The following SYCP2L variants were observed in gnomAD, a reference collection of about 807,000 sequenced individuals.
The protein encoded by SYCP2L is synaptonemal complex protein 2-like.
In SYCP2L, 98 loss-of-function variants were observed where a neutral mutation model predicts 125.8. The ratio of observed to expected loss-of-function variants is 0.78; its 90% CI spans 0.66 to 0.92. The LOEUF is 0.92. SYCP2L is among the 40% of genes least tolerant of loss of function. The probability of loss-of-function intolerance (pLI) is 0.00; values close to 1 mark genes in which losing one functional copy is unlikely to be tolerated. For missense variants in SYCP2L, 842 were observed against 936.4 expected, an observed-to-expected ratio of 0.90 and a Z score of 1.32; for synonymous variants, 317 against 325.4, an observed-to-expected ratio of 0.97 and a Z score of 0.28.
chr6:10,902,809 A>T, intron 7 of SYCP2L, 47 bp downstream of exon 7: 1 of 1,610,634 alleles, frequency 6.2e-7, no homozygotes, highest in Non-Finnish European at 8.5e-7. Flanking sequence ...CAGAAACCTA[A>T]AAGAAGATCG....
At chr6:10,900,053 A>T (rs1561680857) in intron 6 of SYCP2L, among the ~76,000 whole-genome samples, 2 of 152,216 alleles carry the variant, frequency 1.3e-5, no homozygotes, top group Non-Finnish European at 2.9e-5. Flanking sequence ...GCATTTATGG[A>T]TTCACATAAT....
chr6:10,931,639 T>C, intron 20 of SYCP2L, 150 bp downstream of exon 20: 1 of 774,370 alleles, frequency 1.3e-6, no homozygotes, highest in South Asian at 1.8e-5. Context: ...GTCTTCTAAA[T>C]GTTTAATATG....
At position 10,899,884 on chromosome 6, in the gene SYCP2L, A is replaced by G. The variant is rs140036645; in HGVS notation, c.466+1036A>G. Reference sequence around the variant, plus strand: ...CATCACAATGACAGTTGCTGTCTTTAAAACTGGTTGATAAAATGCACAGTG... The same window carrying G: ...CATCACAATGACAGTTGCTGTCTTTGAAACTGGTTGATAAAATGCACAGTG... On this transcript the variant is annotated intron_variant, in intron 6 of 29. Transcript: ENST00000283141. 2.5e-3 allele frequency among the ~76,000 whole-genome samples: 384 copies of G among 152,340 alleles called. 2 individuals carry two copies. Among genetic ancestry groups the G allele is most frequent in the African/African-American group, 8.9e-3 (369 of 41,586 alleles).
chr6:10,946,364 TTA>T (rs1781315406), intron 23 of SYCP2L, among the ~76,000 whole-genome samples: 1 of 151,846 alleles, frequency 6.6e-6, no homozygotes, highest in African/African-American at 2.4e-5. Context: ...TAAATTTAAT[TTA>T]GTGTTAATCT....
intron 29 of SYCP2L, among the ~76,000 whole-genome samples, chr6:10,972,670 A>G (rs1781793801): frequency 6.6e-6 from 1 of 152,310 alleles, no homozygotes; most frequent in South Asian, 2.1e-4. Flanking sequence ...ATGTATGCCA[A>G]CATCCTCCCC....
In SYCP2L at chr6:10,899,290, G is replaced by A. The variant is rs147910679; in HGVS notation, c.466+442G>A. The stretch of plus-strand genomic sequence containing the variant: ...ATGCTGGGTGTGGTGGCTCACGCCT[G>A]TATTCCCAGCACTTTCGGAGGCTGA... On this transcript the variant is annotated intron_variant, in intron 6 of 29. Coordinates refer to ENST00000283141, the MANE Select transcript of SYCP2L (RefSeq NM_001040274.3). Among the ~76,000 whole-genome samples the A allele has an allele frequency of 6.0e-3, 918 of 152,320 alleles. 6 individuals are homozygous for A. The highest frequency in any genetic ancestry group is 9.8e-3 in the Non-Finnish European group (670 of 68,032).
At chr6:10,972,317 G>T (rs1301368332) in intron 29 of SYCP2L, among the ~76,000 whole-genome samples, 1 of 152,140 alleles carries the variant, frequency 6.6e-6, no homozygotes, top group Non-Finnish European at 1.5e-5. Context: ...ACTAATCTGG[G>T]CTAAGAATAT....
intron 25 of SYCP2L, among the ~76,000 whole-genome samples, chr6:10,956,598 T>C (rs1388051626): frequency 6.6e-6 from 1 of 152,148 alleles, no homozygotes; most frequent in Non-Finnish European, 1.5e-5. Context: ...GTAATGAATA[T>C]GTTAATTTGC....
chr6:10,945,301 A>C (rs1286562046), intron 23 of SYCP2L, among the ~76,000 whole-genome samples: 1 of 152,134 alleles, frequency 6.6e-6, no homozygotes, highest in Non-Finnish European at 1.5e-5. Flanking sequence ...TCATTAGGTT[A>C]CTTTTCTTAA....
At chr6:10,916,457 G>A (rs1351913184) in intron 14 of SYCP2L, among the ~76,000 whole-genome samples, 1 of 152,078 alleles carries the variant, frequency 6.6e-6, no homozygotes, top group Non-Finnish European at 1.5e-5. Flanking sequence ...GGTGTTTAGG[G>A]CTGTGAACTT....
chr6:10,953,272 A>G (rs1240741305), intron 23 of SYCP2L, among the ~76,000 whole-genome samples: 2 of 152,184 alleles, frequency 1.3e-5, no homozygotes, highest in Non-Finnish European at 2.9e-5. Context: ...TAGTTTTATC[A>G]GATCTTAAAG....
intron 4 of SYCP2L, among the ~76,000 whole-genome samples, chr6:10,897,231 C>A (rs537148757): frequency 6.6e-6 from 1 of 152,226 alleles, no homozygotes; most frequent in African/African-American, 2.4e-5. Context: ...AAAAAATTCT[C>A]TAATTAGCTG....
At chr6:10,888,719 TAAAG>T (rs1780124886) in intron 1 of SYCP2L, among the ~76,000 whole-genome samples, 1 of 152,058 alleles carries the variant, frequency 6.6e-6, no homozygotes, top group Non-Finnish European at 1.5e-5. Flanking sequence ...AGAAAAGAGG[TAAAG>T]AAGCTTAACA....
At chr6:10,899,129 A>C (rs1211310113) in intron 6 of SYCP2L, among the ~76,000 whole-genome samples, 1 of 152,190 alleles carries the variant, frequency 6.6e-6, no homozygotes, top group East Asian at 1.9e-4. Flanking sequence ...AATATGCAAA[A>C]ATTTAGCTAC....
At chr6:10,929,951 A>G (rs1780961476) in intron 18 of SYCP2L, 1 of 154,050 alleles carries the variant, frequency 6.5e-6, no homozygotes. Context: ...AAAAAAAGAA[A>G]AAAGAAAAAG....
chr6:10,887,871 C>T (rs1780103460), intron 1 of SYCP2L, among the ~76,000 whole-genome samples: 1 of 152,194 alleles, frequency 6.6e-6, no homozygotes. Context: ...AGATTTGGGA[C>T]AGAAACCTTT....
chr6:10,965,140 G>A lies in SYCP2L; in HGVS notation c.*37+1297G>A, dbSNP rs552916844. ...ATATTTTAAGAAAATTACTCTAGAT[G>A]CTATGTTAAGAATTGATGGGAGGAA... is the stretch of plus-strand genomic sequence containing the variant. On this transcript the variant is annotated intron_variant, in intron 29 of 29. Transcript: ENST00000283141. Among the ~76,000 whole-genome samples, 8 of 152,226 alleles carry A rather than the reference G, an allele frequency of 5.3e-5. No individual in the cohort carries two copies. The South Asian group carries it at 1.0e-3, about 20-fold the overall frequency.
chr6:10,944,015 T>G (rs1781268270), intron 23 of SYCP2L, among the ~76,000 whole-genome samples: 1 of 152,222 alleles, frequency 6.6e-6, no homozygotes, highest in Non-Finnish European at 1.5e-5. Context: ...TGAAGAATCA[T>G]GAACTCTCTC....
At position 10,898,109 on chromosome 6, in the gene SYCP2L, T is replaced by C. The variant is rs1344560583; in HGVS notation, c.435T>C (p.Thr145=). ...GTGTTATAGAAGATTTCTTTGACAC[T>C]GCATTGGTAAGGATGGGATGGATGC... The part of the protein sequence containing the change: ...LICVIEDFFD[T]ALIISRSSSE... Residue 145 remains threonine (T), a synonymous_variant, in exon 5 of 30, where the codon ACT becomes ACC. Transcript: ENST00000283141. 2 of 1,611,794 alleles carry C rather than the reference T, an allele frequency of 1.2e-6. No homozygotes were observed. The highest frequency in any genetic ancestry group is 1.7e-6 in the Non-Finnish European group (2 of 1,177,848).
Sources: allele counts gnomAD v4.1 joint callset (sites outside exome capture counted in the v4.1 genomes callset), GRCh38; gene constraint gnomAD v4.1.1; transcripts MANE v1.5; gene names NCBI Gene and HGNC (gene_info 2026-07-23, HGNC 2026-07-21).